The following CNTNAP2 variants were observed in gnomAD, a reference collection of about 807,000 sequenced individuals.
CNTNAP2 encodes the protein contactin-associated protein-like 2.
Under a neutral mutation model 155.2 loss-of-function variants are expected in CNTNAP2, and 98 were observed. That is an observed-to-expected ratio of 0.63 (90% confidence interval 0.54 to 0.75). The LOEUF (loss-of-function observed/expected upper bound fraction) is 0.75, where lower values mean the gene tolerates loss of function less well. Ranked by LOEUF, CNTNAP2 falls within the 30% of genes least tolerant of loss-of-function variation. CNTNAP2 has a pLI of 0.00. For synonymous variants in CNTNAP2, 651 were observed against 631.2 expected (o/e 1.03, Z -0.47); for missense variants, 1,727 against 1,688.1 (o/e 1.02, Z -0.40).
intron 15 of CNTNAP2, among the ~76,000 whole-genome samples, chr7:148,073,254 T>C (rs540858644): frequency 6.6e-6 from 1 of 152,338 alleles, no homozygotes; most frequent in Admixed American, 6.5e-5. Flanking sequence ...ACCTGAGAGA[T>C]AGCCATTGGA....
At chr7:148,406,800 C>T (rs1424920577) in intron 22 of CNTNAP2, among the ~76,000 whole-genome samples, 1 of 152,214 alleles carries the variant, frequency 6.6e-6, no homozygotes, top group African/African-American at 2.4e-5. Flanking sequence ...ATAACCAAAT[C>T]TTCCTGTGCT....
At chr7:147,467,149 G>C (rs1272323113) in intron 10 of CNTNAP2, among the ~76,000 whole-genome samples, 1 of 152,120 alleles carries the variant, frequency 6.6e-6, no homozygotes, top group Non-Finnish European at 1.5e-5. Flanking sequence ...ATGCAATGAT[G>C]CTTATCTAAG....
chr7:147,395,547 A>G lies in CNTNAP2; in HGVS notation c.1499-62A>G. 2 of 1,556,708 alleles carry G rather than the reference A, an allele frequency of 1.3e-6. 1 individual carries two copies. The highest frequency in any genetic ancestry group is 1.8e-6 in the Non-Finnish European group (2 of 1,129,960). Reference sequence around the variant, plus strand: ...GCTGTGGCCAGGTAGAATACCCACAAGAATTTTAGTGAAGGTTATACTGTA... The same window carrying G: ...GCTGTGGCCAGGTAGAATACCCACAGGAATTTTAGTGAAGGTTATACTGTA... On this transcript the variant is annotated intron_variant, in intron 9 of 23. Transcript: ENST00000361727.
At chr7:146,289,048 C>T (rs1309427245) in intron 1 of CNTNAP2, among the ~76,000 whole-genome samples, 1 of 144,848 alleles carries the variant, frequency 6.9e-6, no homozygotes, top group African/African-American at 2.9e-5. Flanking sequence ...AAGTGGTCTG[C>T]CCGCCTTGGC....
At chr7:146,427,109 G>GA (rs1796104694) in intron 1 of CNTNAP2, among the ~76,000 whole-genome samples, 1 of 151,858 alleles carries the variant, frequency 6.6e-6, no homozygotes, top group Non-Finnish European at 1.5e-5. Context: ...TTATTTTTCA[G>GA]AAAAAAAGCA....
chr7:146,545,340 A>T (rs930020246), intron 1 of CNTNAP2, among the ~76,000 whole-genome samples: 7 of 151,844 alleles, frequency 4.6e-5, no homozygotes, highest in Admixed American at 3.9e-4. Flanking sequence ...TGATTTATTC[A>T]TAGTTTATTT....
At chr7:147,164,876 A>G (rs1802088012) in intron 8 of CNTNAP2, among the ~76,000 whole-genome samples, 1 of 152,186 alleles carries the variant, frequency 6.6e-6, no homozygotes, top group Admixed American at 6.5e-5. Flanking sequence ...CCAATGCTTG[A>G]GAAGAAAATT....
chr7:147,155,247 G>A (rs1197815427), intron 8 of CNTNAP2, among the ~76,000 whole-genome samples: 1 of 152,156 alleles, frequency 6.6e-6, no homozygotes, highest in African/African-American at 2.4e-5. Flanking sequence ...GACACAGTGA[G>A]AAGACAGGCA....
intron 8 of CNTNAP2, among the ~76,000 whole-genome samples, chr7:147,149,947 A>AAAGGT (rs1349247600): frequency 6.6e-6 from 1 of 152,232 alleles, no homozygotes; most frequent in Non-Finnish European, 1.5e-5. Context: ...AGTGTGAAAG[A>AAAGGT]AAGGTAGGAA....
chr7:147,865,473 T>A (rs146001555), intron 13 of CNTNAP2, among the ~76,000 whole-genome samples: 1,671 of 152,322 alleles, frequency 0.011, 90 homozygotes, highest in Admixed American at 0.089. Context: ...CTTCTTTTTC[T>A]ATTGATTGGA....
chr7:146,853,597 T>C (rs56132779), intron 3 of CNTNAP2, among the ~76,000 whole-genome samples: 3,348 of 152,304 alleles, frequency 0.022, 109 homozygotes, highest in African/African-American at 0.074. Context: ...TAAGCACTTT[T>C]TGTGTCAATT....
intron 10 of CNTNAP2, among the ~76,000 whole-genome samples, chr7:147,401,984 T>C (rs1796922874): frequency 6.6e-6 from 1 of 152,234 alleles, no homozygotes; most frequent in South Asian, 2.1e-4. Flanking sequence ...CAGGCTTAAA[T>C]TTTGCGTTCA....
chr7:147,541,845 C>A (rs1341474854), intron 11 of CNTNAP2, among the ~76,000 whole-genome samples: 1 of 152,036 alleles, frequency 6.6e-6, no homozygotes, highest in African/African-American at 2.4e-5. Context: ...TATATGTGCC[C>A]CACTTAATCA....
In CNTNAP2 at chr7:147,851,152, C is replaced by T. The variant is rs1411180665; in HGVS notation, c.2099-52413C>T. 1.3e-5 allele frequency among the ~76,000 whole-genome samples: 2 copies of T among 152,168 alleles called. 1 individual carries two copies. The highest frequency in any genetic ancestry group is 4.1e-4 in the South Asian group (2 of 4,832). On this transcript the variant is annotated intron_variant, in intron 13 of 23. Coordinates refer to ENST00000361727, the MANE Select transcript of CNTNAP2 (RefSeq NM_014141.6). ...TTCTCAAAAGAAGACATTTATGCAG[C>T]CAACAGACACATGAAAAAATGCTCA...
intron 13 of CNTNAP2, among the ~76,000 whole-genome samples, chr7:147,656,441 C>G (rs971597603): frequency 6.6e-6 from 1 of 152,068 alleles, no homozygotes; most frequent in Admixed American, 6.6e-5. Flanking sequence ...TTCTTTCACT[C>G]GAATACTTAG....
intron 15 of CNTNAP2, among the ~76,000 whole-genome samples, chr7:148,076,352 G>A (rs1453565676): frequency 2.1e-5 from 3 of 145,194 alleles, no homozygotes; most frequent in Non-Finnish European, 1.5e-5. Flanking sequence ...AACAAAGAAT[G>A]ATCTCGCCCA....
intron 13 of CNTNAP2, among the ~76,000 whole-genome samples, chr7:147,650,393 T>C (rs1294739278): frequency 6.6e-6 from 1 of 152,170 alleles, no homozygotes; most frequent in Non-Finnish European, 1.5e-5. Flanking sequence ...GAGTTTAAAC[T>C]GTGAGGGTCT....
chr7:146,954,323 A>G (rs1210163651), intron 3 of CNTNAP2, among the ~76,000 whole-genome samples: 5 of 151,954 alleles, frequency 3.3e-5, no homozygotes, highest in Non-Finnish European at 4.4e-5. Context: ...TTGCTGGAGC[A>G]GAATGAATGC....
intron 13 of CNTNAP2, among the ~76,000 whole-genome samples, chr7:147,883,140 G>C (rs1799548788): frequency 6.6e-6 from 1 of 152,094 alleles, no homozygotes; most frequent in African/African-American, 2.4e-5. Flanking sequence ...AATATAGAAA[G>C]CCTTGTGCTA....
Sources: allele counts gnomAD v4.1 joint callset (sites outside exome capture counted in the v4.1 genomes callset), GRCh38; gene constraint gnomAD v4.1.1; transcripts MANE v1.5; gene names NCBI Gene and HGNC (gene_info 2026-07-23, HGNC 2026-07-21).